Variants in ACACA observed in about 807,000 individuals in gnomAD.
ACACA encodes the protein acetyl-CoA carboxylase alpha, also known as acetyl-CoA carboxylase 1.
A neutral mutation model predicts 296.1 loss-of-function variants in ACACA; 103 were observed. The ratio of observed to expected loss-of-function variants is 0.35; its 90% CI spans 0.30 to 0.41. The LOEUF (loss-of-function observed/expected upper bound fraction) is 0.41, where lower values mean the gene tolerates loss of function less well. Among genes scored for constraint, ACACA ranks in the 10% least tolerant of loss-of-function variants. The pLI is 1.00. For missense variants in ACACA, 1,554 were observed against 2,989.7 expected, an observed-to-expected ratio of 0.52 and a Z score of 11.20; for synonymous variants, 953 against 1,038.6, an observed-to-expected ratio of 0.92 and a Z score of 1.58.
At chr17:37,366,433 T>C (rs2049604281) in intron 1 of ACACA, among the ~76,000 whole-genome samples, 1 of 152,060 alleles carries the variant, frequency 6.6e-6, no homozygotes, top group African/African-American at 2.4e-5. Flanking sequence ...TTTTCCTGTA[T>C]GTGATATCTT....
chr17:37,358,935 C>T, intron 1 of ACACA: 2 of 986,214 alleles, frequency 2.0e-6, no homozygotes, highest in Non-Finnish European at 2.4e-6. Flanking sequence ...CTGCCGCCGC[C>T]CCTCCCTTGG....
At position 37,330,300 on chromosome 17, in the gene ACACA, T is replaced by C. The variant is rs768175310; in HGVS notation, c.211A>G (p.Ser71Gly). ...AGTAGGTCCAACTTCACCAGGTTGC[T>C]GATCTCATCCTCTGAGTTATCTTCA... is the stretch of plus-strand genomic sequence containing the variant. ...VSEDNSEDEI[S>G]NLVKLDLLEE... Residue 71 changes from serine (S) to glycine (G), a missense_variant, in exon 3 of 56, where the codon AGC (serine) becomes GGC (glycine). Physicochemically the swap from Ser to Gly is moderately conservative, Grantham distance 56. Around this residue, in one of 16 missense-constraint regions of ACACA, gnomAD observed 140 missense variants for 147.7 expected, o/e 0.95. Transcript: ENST00000616317. 3.1e-5 allele frequency: 50 copies of C among 1,614,126 alleles called. No individual in the cohort carries two copies. The highest frequency in any genetic ancestry group is 4.1e-5 in the Non-Finnish European group (48 of 1,180,054).
At chr17:37,152,108 T>A (rs748222310) in intron 43 of ACACA, among the ~76,000 whole-genome samples, 3 of 152,200 alleles carry the variant, frequency 2.0e-5, no homozygotes, top group Non-Finnish European at 2.9e-5. Context: ...CAGATAGATT[T>A]AAATCCTTGC....
chr17:37,377,338 A>G (rs1433282498), intron 1 of ACACA, among the ~76,000 whole-genome samples: 1 of 152,120 alleles, frequency 6.6e-6, no homozygotes, highest in Non-Finnish European at 1.5e-5. Context: ...TAGGTCAACT[A>G]CTACTTTGTA....
intron 1 of ACACA, among the ~76,000 whole-genome samples, chr17:37,374,713 C>T (rs2049933159): frequency 6.6e-6 from 1 of 152,162 alleles, no homozygotes. Flanking sequence ...GAAAACCTTC[C>T]CAAGCCACAG....
intron 45 of ACACA, chr17:37,143,884 G>C: frequency 1.3e-6 from 2 of 1,544,376 alleles, no homozygotes; most frequent in Non-Finnish European, 1.8e-6. Flanking sequence ...CTTGTCATCT[G>C]CAGCAGTGTT....
At chr17:37,268,245 G>A (rs981211734) in intron 10 of ACACA, among the ~76,000 whole-genome samples, 1 of 152,132 alleles carries the variant, frequency 6.6e-6, no homozygotes, top group South Asian at 2.1e-4. Context: ...TGGTTGATAA[G>A]CTGTAAGAAA....
chr17:37,306,908 G>A (rs2083911259), intron 3 of ACACA, among the ~76,000 whole-genome samples: 1 of 151,976 alleles, frequency 6.6e-6, no homozygotes, highest in Non-Finnish European at 1.5e-5. Context: ...ATTTTGGCCA[G>A]GCTGGTCTTG....
Position 37,087,318 on chromosome 17 carries a change from A to C in ACACA, c.7150T>G (p.Ter2384GluextTer16). ...ILSTMDSPST[*>E] is the part of the protein sequence containing the mutation. The stretch of plus-strand genomic sequence containing the variant: ...CAGGGACAGGCAGGAAGCTCTTCCT[A>C]CGTGGAAGGGGAATCCATTGTGGAG... Residue 2384 changes from the stop codon to glutamate, a stop_lost, in exon 56 of 56, where the codon TAG (stop) becomes GAG (glutamate). Coordinates refer to ENST00000616317, the MANE Select transcript of ACACA (RefSeq NM_198834.3). 1.9e-6 allele frequency: 3 copies of C among 1,614,160 alleles called. No individual in the cohort carries two copies. Among genetic ancestry groups the C allele is most frequent in the Non-Finnish European group, 2.5e-6 (3 of 1,180,018 alleles).
chr17:37,344,331 G>T (rs976645986), intron 1 of ACACA, among the ~76,000 whole-genome samples: 1 of 151,986 alleles, frequency 6.6e-6, no homozygotes, highest in Non-Finnish European at 1.5e-5. Context: ...GATGAGACAG[G>T]CTGATTGCTT....
chr17:37,289,710 T>C (rs1016375441), intron 3 of ACACA, among the ~76,000 whole-genome samples: 5 of 152,222 alleles, frequency 3.3e-5, no homozygotes, highest in African/African-American at 7.2e-5. Context: ...CACTGCATTA[T>C]AGTATTTTTG....
intron 3 of ACACA, chr17:37,289,515 G>A (rs781463296): frequency 2.7e-5 from 36 of 1,350,908 alleles, no homozygotes; most frequent in Admixed American, 1.1e-4. Flanking sequence ...CATATCCCAC[G>A]AGTATTTCAA....
intron 41 of ACACA, among the ~76,000 whole-genome samples, chr17:37,174,500 T>C (rs561382205): frequency 7.2e-4 from 109 of 152,196 alleles, no homozygotes; most frequent in Non-Finnish European, 1.3e-3. Context: ...TGTGTAGAGG[T>C]GACCATCAAA....
At chr17:37,402,237 A>G (rs2051316060) in intron 1 of ACACA, among the ~76,000 whole-genome samples, 1 of 152,140 alleles carries the variant, frequency 6.6e-6, no homozygotes, top group South Asian at 2.1e-4. Flanking sequence ...GTGTACTGGG[A>G]ACATGTAAGA....
intron 41 of ACACA, among the ~76,000 whole-genome samples, chr17:37,164,296 A>T (rs1055144168): frequency 2.6e-5 from 4 of 152,100 alleles, no homozygotes; most frequent in South Asian, 2.1e-4. Context: ...CCCAGACTCA[A>T]CCAGGCCAGT....
chr17:37,250,242 A>C (rs961474904), intron 16 of ACACA, among the ~76,000 whole-genome samples: 9 of 152,214 alleles, frequency 5.9e-5, no homozygotes, highest in African/African-American at 2.2e-4. Flanking sequence ...AGGGGACGGA[A>C]ACTGGATGGC....
chr17:37,145,218 C>T (rs2143952486), intron 45 of ACACA, among the ~76,000 whole-genome samples: 1 of 152,258 alleles, frequency 6.6e-6, no homozygotes, highest in South Asian at 2.1e-4. Context: ...TGCAAATGTC[C>T]AGTGGCAAAT....
intron 16 of ACACA, among the ~76,000 whole-genome samples, chr17:37,250,239 G>A (rs899240166): frequency 2.0e-5 from 3 of 152,180 alleles, no homozygotes; most frequent in African/African-American, 4.8e-5. Context: ...TATAGGGGAC[G>A]GAAACTGGAT....
At chr17:37,283,169 T>C (rs573633510) in intron 5 of ACACA, 98 bp downstream of exon 5, 1 of 1,445,332 alleles carries the variant, frequency 6.9e-7, no homozygotes, top group Non-Finnish European at 9.7e-7. Flanking sequence ...AAGTCCTATG[T>C]TTGGGAATCC....
Sources: gnomAD v4.1 joint callset for allele counts (sites outside exome capture counted in the v4.1 genomes callset) on GRCh38, gnomAD v4.1.1 for gene constraint, gnomAD v4.1.1 regional missense constraint, MANE v1.5 for transcripts, NCBI Gene and HGNC (gene_info 2026-07-23, HGNC 2026-07-21) for gene names.